Variants in ABCC1 observed in about 807,000 individuals in gnomAD.
ABCC1 encodes the protein ATP binding cassette subfamily C member 1 (ABCC1 blood group).
In ABCC1, 83 loss-of-function variants were observed where a neutral mutation model predicts 172.9. The observed-to-expected ratio is 0.48, with a 90% CI of 0.40 to 0.58. The LOEUF (loss-of-function observed/expected upper bound fraction) is 0.58. Among genes scored for constraint, ABCC1 ranks in the 20% least tolerant of loss-of-function variants. The pLI is 0.00. For missense variants in ABCC1, 1,817 were observed against 2,002.7 expected, an observed-to-expected ratio of 0.91 and a Z score of 1.77; for synonymous variants, 937 against 825.2, an observed-to-expected ratio of 1.14 and a Z score of -2.32.
chr16:16,090,703 AGGGTG>A, intron 19 of ABCC1, 115 bp downstream of exon 19: 2 of 1,207,258 alleles, frequency 1.7e-6, no homozygotes, highest in Non-Finnish European at 1.1e-6. Flanking sequence ...TCAGGGCATG[AGGGTG>A]GGAGCTGGAT....
intron 1 of ABCC1, among the ~76,000 whole-genome samples, chr16:15,989,809 C>T (rs561309668): frequency 6.6e-6 from 1 of 152,190 alleles, no homozygotes; most frequent in African/African-American, 2.4e-5. Flanking sequence ...TAAAATGGAG[C>T]GATGTACATG....
At chr16:16,089,045 G>A (rs962701064) in intron 18 of ABCC1, among the ~76,000 whole-genome samples, 1 of 152,076 alleles carries the variant, frequency 6.6e-6, no homozygotes, top group Non-Finnish European at 1.5e-5. Flanking sequence ...GCTTCAACTC[G>A]GCAGGGCTGA....
chr16:16,003,345 G>A (rs868852402), intron 1 of ABCC1, among the ~76,000 whole-genome samples: 7 of 33,920 alleles, frequency 2.1e-4, no homozygotes, highest in East Asian at 1.5e-3. Flanking sequence ...TGAATTGGTG[G>A]ATGGGTAGGT....
chr16:15,962,691 C>T (rs371048168), intron 1 of ABCC1, among the ~76,000 whole-genome samples: 2 of 152,180 alleles, frequency 1.3e-5, no homozygotes, highest in African/African-American at 4.8e-5. Context: ...ACCATCAGAT[C>T]TTCTGAGGAC....
chr16:16,096,347 C>T (rs983172270), intron 19 of ABCC1, among the ~76,000 whole-genome samples: 2 of 152,258 alleles, frequency 1.3e-5, no homozygotes, highest in Admixed American at 6.5e-5. Context: ...CCTTCCTAGG[C>T]CTTCTCCCTT....
At chr16:16,050,513 GT>G (rs75518951) in intron 10 of ABCC1, among the ~76,000 whole-genome samples, 8 of 150,508 alleles carry the variant, frequency 5.3e-5, no homozygotes, top group Non-Finnish European at 8.9e-5. Context: ...CTGTAGTTTG[GT>G]TTTTTTTTGT....
chr16:16,113,752 T>G (rs185450133), intron 22 of ABCC1, among the ~76,000 whole-genome samples: 1 of 152,308 alleles, frequency 6.6e-6, no homozygotes, highest in Admixed American at 6.5e-5. Flanking sequence ...TCAGCACTGT[T>G]CTAAAACAGC....
At chr16:16,071,553 C>A in intron 13 of ABCC1, 89 bp from the exon 14 acceptor site, 2 of 1,084,434 alleles carry the variant, frequency 1.8e-6, no homozygotes, top group Non-Finnish European at 1.4e-6. Flanking sequence ...CCCCTCCACA[C>A]CTGGGGAAAC....
At chr16:16,127,544 A>G (rs969921772) in intron 26 of ABCC1, among the ~76,000 whole-genome samples, 5 of 152,148 alleles carry the variant, frequency 3.3e-5, no homozygotes, top group African/African-American at 1.2e-4. Context: ...TTTACAGGTG[A>G]GGAAACTGAG....
intron 21 of ABCC1, among the ~76,000 whole-genome samples, chr16:16,107,620 T>G (rs1401647361): frequency 6.6e-6 from 1 of 152,170 alleles, no homozygotes; most frequent in Non-Finnish European, 1.5e-5. Flanking sequence ...TCCTAATGAT[T>G]ACGTCCCTGA....
chr16:16,061,286 C>T (rs1233673504), intron 12 of ABCC1, among the ~76,000 whole-genome samples: 1 of 152,208 alleles, frequency 6.6e-6, no homozygotes, highest in Non-Finnish European at 1.5e-5. Context: ...ATTAAAGCTG[C>T]ACCAGATGGT....
intron 25 of ABCC1, 41 bp from the exon 26 acceptor site, chr16:16,125,769 C>G: frequency 1.2e-5 from 17 of 1,387,812 alleles, no homozygotes; most frequent in Non-Finnish European, 1.7e-5. Context: ...TCAAGTACGC[C>G]CGCTTACTCT....
intron 1 of ABCC1, among the ~76,000 whole-genome samples, chr16:15,951,170 C>G (rs553511437): frequency 2.0e-5 from 3 of 152,192 alleles, no homozygotes; most frequent in Admixed American, 2.0e-4. Context: ...TGCAAAGATT[C>G]ACATGGTGAT....
chr16:16,119,379 T>C (rs1158026443), intron 23 of ABCC1, among the ~76,000 whole-genome samples: 1 of 152,118 alleles, frequency 6.6e-6, no homozygotes, highest in Non-Finnish European at 1.5e-5. Context: ...AGGCGGAGGT[T>C]GCAGTGAGCT....
chr16:15,998,245 C>A (rs2047126607), intron 1 of ABCC1, among the ~76,000 whole-genome samples: 1 of 152,158 alleles, frequency 6.6e-6, no homozygotes, highest in Non-Finnish European at 1.5e-5. Flanking sequence ...CCACTTCAGC[C>A]TTCTGAGTAG....
chr16:16,106,161 G>A (rs1248107786), intron 20 of ABCC1, among the ~76,000 whole-genome samples: 3 of 152,052 alleles, frequency 2.0e-5, no homozygotes, highest in African/African-American at 7.2e-5. Flanking sequence ...ACAGGTGTGA[G>A]CCACTGCACC....
chr16:16,013,575 T>A (rs1199479650), intron 3 of ABCC1, among the ~76,000 whole-genome samples: 4 of 147,436 alleles, frequency 2.7e-5, no homozygotes, highest in Non-Finnish European at 3.0e-5. Context: ...TTTTTTTTTT[T>A]ATCCCTACTC....
intron 6 of ABCC1, among the ~76,000 whole-genome samples, chr16:16,034,023 C>T (rs1404295944): frequency 1.3e-3 from 116 of 86,816 alleles, no homozygotes; most frequent in South Asian, 1.7e-3. Flanking sequence ...TAAGCATCAT[C>T]TTTTTTTTTT....
chr16:15,975,058 G>T (rs1001696836), intron 1 of ABCC1, among the ~76,000 whole-genome samples: 1 of 152,170 alleles, frequency 6.6e-6, no homozygotes, highest in East Asian at 1.9e-4. Flanking sequence ...CAAAGTACTG[G>T]GATGACAGGT....
Sources: gnomAD v4.1 joint callset for allele counts (sites outside exome capture counted in the v4.1 genomes callset) on GRCh38, gnomAD v4.1.1 for gene constraint, MANE v1.5 for transcripts, NCBI Gene and HGNC (gene_info 2026-07-23, HGNC 2026-07-21) for gene names.